The following NAALADL2 variants were observed in gnomAD, a reference collection of about 807,000 sequenced individuals.
NAALADL2 encodes the protein N-acetylated alpha-linked acidic dipeptidase like 2, also known as inactive N-acetylated-alpha-linked acidic dipeptidase-like protein 2.
Under a neutral mutation model 87.2 loss-of-function variants are expected in NAALADL2, and 76 were observed. The ratio of observed to expected loss-of-function variants is 0.87; its 90% CI spans 0.72 to 1.05. The LOEUF (loss-of-function observed/expected upper bound fraction) is 1.05. Ranked by LOEUF, NAALADL2 falls within the 50% of genes least tolerant of loss-of-function variation. NAALADL2 has a pLI of 0.00. For missense variants in NAALADL2, 1,089 were observed against 945.8 expected (o/e 1.15, Z -1.99); for synonymous variants, 354 against 331.0 (o/e 1.07, Z -0.75).
At chr3:175,367,742 A>G (rs1388328161) in intron 5 of NAALADL2, among the ~76,000 whole-genome samples, 3 of 152,164 alleles carry the variant, frequency 2.0e-5, no homozygotes, top group African/African-American at 7.2e-5. Context: ...TTATCAGCTT[A>G]AGGAGATTTT....
intron 2 of NAALADL2, chr3:175,124,406 A>T (rs9849514): frequency 1.9e-4 from 29 of 151,604 alleles, no homozygotes; most frequent in African/African-American, 6.8e-4. Context: ...TCATCCTTAC[A>T]CTTTTTACCT....
chr3:174,524,708 C>T (rs937452870), intron 1 of NAALADL2, among the ~76,000 whole-genome samples: 3 of 97,962 alleles, frequency 3.1e-5, no homozygotes, highest in African/African-American at 1.2e-4. Flanking sequence ...CCACCATGCC[C>T]AACAAATTAA....
intron 1 of NAALADL2, among the ~76,000 whole-genome samples, chr3:174,469,200 T>A (rs934590805): frequency 2.0e-5 from 3 of 152,100 alleles, no homozygotes; most frequent in Admixed American, 2.0e-4. Context: ...TCATACTACT[T>A]CTCCTCTGGA....
chr3:175,417,883 CCTTTCTT>C (rs1190089859), intron 5 of NAALADL2, among the ~76,000 whole-genome samples: 8 of 152,072 alleles, frequency 5.3e-5, no homozygotes, highest in Non-Finnish European at 1.2e-4. Flanking sequence ...AAAAGTAGCT[CCTTTCTT>C]ATGGGCTCCT....
intron 3 of NAALADL2, among the ~76,000 whole-genome samples, chr3:174,845,995 TG>T (rs1168151291): frequency 6.6e-6 from 1 of 152,086 alleles, no homozygotes; most frequent in Non-Finnish European, 1.5e-5. Flanking sequence ...GAGCATACGA[TG>T]GGGGTTTCTG....
chr3:175,092,809 C>A (rs1455595343), intron 1 of NAALADL2, among the ~76,000 whole-genome samples: 4 of 151,814 alleles, frequency 2.6e-5, no homozygotes, highest in African/African-American at 9.7e-5. Flanking sequence ...ATTTTAAAAA[C>A]TGGACTTTGG....
Position 174,759,826 on chromosome 3 carries a change from G to A in NAALADL2, c.-9+22080G>A, listed in dbSNP as rs566272817. Among the ~76,000 whole-genome samples the A allele has an allele frequency of 7.2e-4, 110 of 151,742 alleles. 1 individual carries two copies. The highest frequency in any genetic ancestry group is 3.4e-4 in the Non-Finnish European group (23 of 67,930). On this transcript the variant is annotated intron_variant, in intron 3 of 3. Coordinates refer to the NAALADL2 transcript ENST00000434257. ...AGTGATTCTCCTGCCTCAGCCTCCC[G>A]AGTAGCTGGGATTACAGGCACCTGC...
intron 6 of NAALADL2, chr3:175,459,995 C>A: frequency 3.2e-6 from 1 of 316,328 alleles, no homozygotes; most frequent in South Asian, 2.6e-5. Context: ...TTCTCTAAGT[C>A]ATTTCCCTGT....
At chr3:175,450,083 T>C (rs1381124973) in intron 6 of NAALADL2, among the ~76,000 whole-genome samples, 1 of 152,162 alleles carries the variant, frequency 6.6e-6, no homozygotes, top group African/African-American at 2.4e-5. Flanking sequence ...TATAATTCTA[T>C]GTTAACATAT....
chr3:175,011,785 A>C (rs1749859729), intron 1 of NAALADL2, among the ~76,000 whole-genome samples: 1 of 152,134 alleles, frequency 6.6e-6, no homozygotes, highest in Non-Finnish European at 1.5e-5. Context: ...TGTATTACTA[A>C]GTTATGTTCC....
chr3:175,118,131 C>G lies in NAALADL2; in HGVS notation c.545+20840C>G, dbSNP rs190234532. 6.6e-4 allele frequency among the ~76,000 whole-genome samples: 100 copies of G among 151,112 alleles called. 1 individual carries two copies. The highest frequency in any genetic ancestry group is 3.4e-3 in the Middle Eastern group (1 of 292). On this transcript the variant is annotated intron_variant, in intron 2 of 13. Transcript: ENST00000454872. Reference sequence around the variant, plus strand: ...GGCCTGTCGTAGGGTGGGGGGGAGGCCAGTCATTAGGAGATATACCTAATG... The same window carrying G: ...GGCCTGTCGTAGGGTGGGGGGGAGGGCAGTCATTAGGAGATATACCTAATG...
At chr3:174,517,881 A>G (rs879274901) in intron 1 of NAALADL2, among the ~76,000 whole-genome samples, 5 of 152,132 alleles carry the variant, frequency 3.3e-5, no homozygotes, top group Non-Finnish European at 7.4e-5. Context: ...AAATGACAGA[A>G]TGTCATTTTT....
At chr3:175,084,352 C>A (rs1163775675) in intron 1 of NAALADL2, among the ~76,000 whole-genome samples, 1 of 152,094 alleles carries the variant, frequency 6.6e-6, no homozygotes, top group East Asian at 1.9e-4. Flanking sequence ...CAAGTTGGGT[C>A]TAAAGGGTCG....
intron 13 of NAALADL2, among the ~76,000 whole-genome samples, chr3:175,769,882 A>T (rs1230742994): frequency 6.6e-6 from 1 of 152,146 alleles, no homozygotes; most frequent in Non-Finnish European, 1.5e-5. Flanking sequence ...TGACTCCAAT[A>T]TCTGTAGGTG....
intron 9 of NAALADL2, among the ~76,000 whole-genome samples, chr3:175,492,512 G>A (rs1432029233): frequency 6.6e-6 from 1 of 152,184 alleles, no homozygotes; most frequent in Non-Finnish European, 1.5e-5. Flanking sequence ...AATGGATCTT[G>A]ATTATGAATA....
intron 3 of NAALADL2, among the ~76,000 whole-genome samples, chr3:174,757,892 G>C (rs1432393553): frequency 6.6e-6 from 1 of 152,176 alleles, no homozygotes; most frequent in Non-Finnish European, 1.5e-5. Context: ...ATGATACTTA[G>C]TGAATGAATG....
chr3:174,646,452 T>C (rs994535637), intron 2 of NAALADL2, among the ~76,000 whole-genome samples: 2 of 152,200 alleles, frequency 1.3e-5, no homozygotes, highest in Admixed American at 1.3e-4. Context: ...AGGGCATGGC[T>C]ATGTGTTTGT....
rs1184000442 is a variant in NAALADL2, at chr3:175,627,353, T to C, written c.1863T>C (p.Asp621=). The C allele has an allele frequency of 1.9e-6, 3 of 1,571,246 alleles. No homozygotes were observed. Among genetic ancestry groups the C allele is most frequent in the African/African-American group, 1.3e-5 (1 of 74,172 alleles). The part of the protein sequence containing the change: ...STRATKIEEM[D]PSFNLHETIT... ...GAGCAACAAAAATTGAAGAAATGGA[T>C]CCCTCTTTCAACCTTCATGAAACCA... The change falls in exon 11 of 14, where the codon GAT becomes GAC. Residue 621 remains aspartate (D), a synonymous_variant. Coordinates refer to ENST00000454872, the MANE Select transcript of NAALADL2 (RefSeq NM_207015.3).
intron 1 of NAALADL2, among the ~76,000 whole-genome samples, chr3:175,025,015 A>T (rs900243591): frequency 6.6e-6 from 1 of 152,160 alleles, no homozygotes; most frequent in South Asian, 2.1e-4. Context: ...TTTTGAGATG[A>T]TTTAAGTAAC....
Sources: gnomAD v4.1 joint callset for allele counts (sites outside exome capture counted in the v4.1 genomes callset) on GRCh38, gnomAD v4.1.1 for gene constraint, MANE v1.5 for transcripts, NCBI Gene and HGNC (gene_info 2026-07-23, HGNC 2026-07-21) for gene names.